The following COL6A5 variants were observed in gnomAD, a reference collection of about 807,000 sequenced individuals.
The protein encoded by COL6A5 is collagen alpha-5(VI) chain.
In COL6A5, 48 loss-of-function variants were observed where a neutral mutation model predicts 65.6. The ratio of observed to expected loss-of-function variants is 0.73; its 90% confidence interval spans 0.58 to 0.93. The LOEUF (loss-of-function observed/expected upper bound fraction) is 0.93, where lower values mean the gene tolerates loss of function less well. COL6A5 is among the 40% of genes least tolerant of loss of function. The pLI is 0.00. For synonymous variants in COL6A5, 291 were observed against 322.8 expected, an observed-to-expected ratio of 0.90 and a Z score of 1.05; for missense variants, 914 against 928.3, an observed-to-expected ratio of 0.98 and a Z score of 0.20.
exon 7 of COL6A5, chr3:130,391,748 C>A (rs1422816876): frequency 1.3e-6 from 2 of 1,544,430 alleles, no homozygotes; most frequent in Non-Finnish European, 1.7e-6. Flanking sequence ...TACTGAAGCA[C>A]CAGAGGGTAA....
At chr3:130,415,267 C>A (rs1937305733) in intron 22 of COL6A5, among the ~76,000 whole-genome samples, 1 of 152,136 alleles carries the variant, frequency 6.6e-6, no homozygotes, top group Admixed American at 6.5e-5. Context: ...TAACTTGAAA[C>A]AACTTTACTC....
intron 20 of COL6A5, 61 bp downstream of exon 20, chr3:130,410,585 C>A: frequency 7.2e-7 from 1 of 1,391,664 alleles, no homozygotes; most frequent in South Asian, 1.3e-5. Flanking sequence ...CAGAGGCATT[C>A]AGAATATTTG....
chr3:130,469,667 C>G (rs566974103), intron 6 of COL6A5, among the ~76,000 whole-genome samples, 186 bp downstream of exon 38: 1 of 152,158 alleles, frequency 6.6e-6, no homozygotes, highest in East Asian at 1.9e-4. Flanking sequence ...TGCTGCTGTG[C>G]TGCCAAAGTT....
At position 130,431,660 on chromosome 3, in the gene COL6A5, G is replaced by A. The variant is rs766214831; in HGVS notation, c.200G>A (p.Arg67His). Residue 67 changes from arginine to histidine, a missense_variant, in exon 1 of 8, where the codon CGC becomes CAC. Arg to His is a conservative substitution (Grantham distance 29, BLOSUM62 0). Transcript: ENST00000512836. Reference sequence around the variant, plus strand: ...AACTCAGGCACCAGCTATCTCATCCGCTGGTCTGACTACAATAGGAAGAAG... The same window carrying A: ...AACTCAGGCACCAGCTATCTCATCCACTGGTCTGACTACAATAGGAAGAAG... 96 of 1,551,422 alleles carry A rather than the reference G, an allele frequency of 6.2e-5. No homozygotes were observed. Among genetic ancestry groups the A allele is most frequent in the South Asian group, 4.3e-4 (36 of 84,044 alleles).
chr3:130,406,245 T>C (rs758126817), intron 16 of COL6A5, 23 bp from the exon 17 acceptor site: 2 of 1,550,122 alleles, frequency 1.3e-6, no homozygotes, highest in South Asian at 2.4e-5. Context: ...AGTGGGAATT[T>C]TGTTTTTCTT....
At chr3:130,400,817 C>T (rs545778824) in intron 10 of COL6A5, among the ~76,000 whole-genome samples, 3 of 152,268 alleles carry the variant, frequency 2.0e-5, no homozygotes, top group South Asian at 2.1e-4. Context: ...GGATTTCATG[C>T]GACGGTCAGG....
chr3:130,468,697 C>G, intron 5 of COL6A5, 98 bp from the exon 38 acceptor site: 2 of 777,296 alleles, frequency 2.6e-6, no homozygotes, highest in South Asian at 3.7e-5. Context: ...GGAAATGCAG[C>G]ATGGTAATAA....
intron 7 of COL6A5, among the ~76,000 whole-genome samples, chr3:130,480,698 G>T (rs1243051902): frequency 6.6e-6 from 1 of 152,070 alleles, no homozygotes; most frequent in Non-Finnish European, 1.5e-5. Context: ...AAATGTCCAA[G>T]GCAAGAAGTA....
chr3:130,410,191 G>T (rs80258586), intron 19 of COL6A5, 117 bp downstream of exon 19: 31,556 of 774,982 alleles, frequency 0.041, 835 homozygotes, highest in South Asian at 0.081. Flanking sequence ...ACATTGAAAA[G>T]ACCTTTATTT....
exon 31 of COL6A5, chr3:130,426,389 T>A (rs1162884537): frequency 6.4e-7 from 1 of 1,551,290 alleles, no homozygotes; most frequent in Non-Finnish European, 8.7e-7. Flanking sequence ...ATCCGGTTTT[T>A]GCGGGAACAT....
chr3:130,458,362 G>T (rs147408654), intron 5 of COL6A5, among the ~76,000 whole-genome samples: 1 of 152,070 alleles, frequency 6.6e-6, no homozygotes, highest in Non-Finnish European at 1.5e-5. Context: ...GGTAATATTT[G>T]TATGCCCTCA....
At position 130,406,252 on chromosome 3, in the gene COL6A5, T is replaced by A; in HGVS notation, c.4426-16T>A. On this transcript the variant is annotated splice_polypyrimidine_tract_variant and intron_variant and NMD_transcript_variant, in intron 16 of 41. Coordinates refer to the COL6A5 transcript ENST00000312481. ...TTTTTTTAAGTGGGAATTTTGTTTT[T>A]CTTGTCTTCTTTTAGGGCTGTCATG... The A allele has an allele frequency of 1.3e-6, 2 of 1,550,446 alleles. No homozygotes were observed. The highest frequency in any genetic ancestry group is 2.4e-5 in the South Asian group (2 of 83,926).
chr3:130,396,403 G>A (rs1295242458), intron 8 of COL6A5, among the ~76,000 whole-genome samples: 1 of 152,128 alleles, frequency 6.6e-6, no homozygotes, highest in East Asian at 1.9e-4. Flanking sequence ...AAGAGCCCAG[G>A]GCCTGGAATC....
At position 130,398,125 on chromosome 3, in the gene COL6A5, GTTGTT is replaced by G. The variant is rs1936677615; in HGVS notation, c.3991+17_3991+21del. On this transcript the variant is annotated intron_variant and NMD_transcript_variant, in intron 10 of 41. Coordinates refer to the COL6A5 transcript ENST00000312481. ...TCAGAGAAGCAGGTATTGAGTTGTT[GTTGTT>G]TTTTTTTTTTTTTTTTTTGAGATGG... The G allele has an allele frequency of 1.9e-6, 2 of 1,061,724 alleles. No individual in the cohort carries two copies. Among genetic ancestry groups the G allele is most frequent in the East Asian group, 3.4e-5 (1 of 29,230 alleles). 65.8% of individuals were successfully genotyped at this position (1,061,724 alleles called of 1,614,324 possible).
intron 8 of COL6A5, 143 bp downstream of exon 8, chr3:130,395,608 GAGACT>G: frequency 1.4e-6 from 1 of 735,160 alleles, no homozygotes; most frequent in Non-Finnish European, 2.2e-6. Flanking sequence ...GCAATGAGAA[GAGACT>G]TCTCTGCTTC....
chr3:130,401,707 T>A (rs757370205), intron 11 of COL6A5, 55 bp from the exon 12 acceptor site: 1 of 1,293,358 alleles, frequency 7.7e-7, no homozygotes, highest in East Asian at 2.5e-5. Context: ...ACAATTCTTA[T>A]GGAATAAAGT....
intron 1 of COL6A5, among the ~76,000 whole-genome samples, chr3:130,353,731 AAG>A (rs1553743425): frequency 1.3e-5 from 2 of 151,710 alleles, no homozygotes; most frequent in Non-Finnish European, 1.5e-5. Context: ...CTGAAAAAAA[AAG>A]AACAAAAGGA....
chr3:130,382,564 C>A (rs1936036158), intron 4 of COL6A5, among the ~76,000 whole-genome samples: 1 of 152,142 alleles, frequency 6.6e-6, no homozygotes, highest in East Asian at 1.9e-4. Flanking sequence ...GAGGGTAGGG[C>A]CTGGGCCCAT....
chr3:130,376,219 G>A lies in COL6A5; in HGVS notation c.68-18G>A, dbSNP rs773305489. 8 of 1,542,186 alleles carry A rather than the reference G, an allele frequency of 5.2e-6. No homozygotes were observed. The African/African-American group carries it at 1.1e-4, about 21-fold the overall frequency. The stretch of plus-strand genomic sequence containing the variant: ...TTGAATGATAACTTTGTTTTTGCTT[G>A]TTATTTTATTTTGATAGGGCCAGGC... On this transcript the variant is annotated intron_variant and NMD_transcript_variant, in intron 2 of 41. Transcript: ENST00000312481.
Sources: allele counts gnomAD v4.1 joint callset (sites outside exome capture counted in the v4.1 genomes callset), GRCh38; gene constraint gnomAD v4.1.1; transcripts MANE v1.5; gene names NCBI Gene and HGNC (gene_info 2026-07-23, HGNC 2026-07-21).